DAB1: variants seen among roughly 807,000 people sequenced by gnomAD.
The protein encoded by DAB1 is DAB adaptor protein 1, also known as disabled homolog 1.
A neutral mutation model predicts 64.6 loss-of-function variants in DAB1; 15 were observed. That is an observed-to-expected ratio of 0.23 (90% CI 0.16 to 0.36). The LOEUF (loss-of-function observed/expected upper bound fraction) is 0.36. Among genes scored for constraint, DAB1 ranks in the 10% least tolerant of loss-of-function variants. The probability of loss-of-function intolerance (pLI) is 1.00; values close to 1 mark genes in which losing one functional copy is unlikely to be tolerated. For missense variants in DAB1, 596 were observed against 706.7 expected, an observed-to-expected ratio of 0.84 and a Z score of 1.78; for synonymous variants, 235 against 251.9, an observed-to-expected ratio of 0.93 and a Z score of 0.64.
intron 6 of DAB1, among the ~76,000 whole-genome samples, chr1:57,795,690 G>GATTTTATAT (rs1270547155): frequency 1.4e-4 from 10 of 69,098 alleles, no homozygotes; most frequent in African/African-American, 5.6e-4. Flanking sequence ...TATGCTTGGA[G>GATTTTATAT]ATATATATAT....
At chr1:57,056,796 G>T (rs528491803) in intron 9 of DAB1, among the ~76,000 whole-genome samples, 1 of 151,964 alleles carries the variant, frequency 6.6e-6, no homozygotes, top group African/African-American at 2.4e-5. Context: ...CCCAGGAAGC[G>T]GAGGCTGTAA....
At chr1:57,969,934 TG>T (rs1645757376) in intron 5 of DAB1, among the ~76,000 whole-genome samples, 1 of 151,932 alleles carries the variant, frequency 6.6e-6, no homozygotes, top group Non-Finnish European at 1.5e-5. Flanking sequence ...TATTAAGAGG[TG>T]GGGCCTTTAG....
chr1:57,015,207 G>A lies in DAB1; in HGVS notation c.1120C>T (p.Pro374Ser), dbSNP rs767003254. 3 of 1,613,962 alleles carry A rather than the reference G, an allele frequency of 1.9e-6. No individual in the cohort carries two copies. The highest frequency in any genetic ancestry group is 8.5e-7 in the Non-Finnish European group (1 of 1,180,008). The change falls in exon 12 of 15, where the codon CCT (proline) becomes TCT (serine). Residue 374 changes from proline to serine, a missense_variant. Pro to Ser is a moderately conservative substitution (Grantham distance 74, BLOSUM62 -1). This residue lies in a region of DAB1 where 377 missense variants were observed against 400.4 expected (regional missense o/e 0.94). Transcript: ENST00000371236. ...CCTTGGAACATGGCAGCTGGCAAAG[G>A]CATAACAGTTTGTGTGGGCATGAAG... ...AAFMPTQTVMPLPAAMFQGPL... is the reference protein window; with the variant it reads ...AAFMPTQTVMSLPAAMFQGPL...
At chr1:57,489,293 G>A (rs958333562) in intron 7 of DAB1, among the ~76,000 whole-genome samples, 1 of 152,180 alleles carries the variant, frequency 6.6e-6, no homozygotes, top group African/African-American at 2.4e-5. Context: ...TTAAATACAT[G>A]AATGAGAAAC....
intron 1 of DAB1, among the ~76,000 whole-genome samples, chr1:57,331,426 A>C (rs1373691075): frequency 1.3e-5 from 2 of 152,242 alleles, no homozygotes; most frequent in African/African-American, 4.8e-5. Context: ...ATAAGGAGGC[A>C]GTATGGCACC....
chr1:57,687,089 A>C (rs908485222), intron 6 of DAB1, among the ~76,000 whole-genome samples: 7 of 152,188 alleles, frequency 4.6e-5, no homozygotes, highest in African/African-American at 1.7e-4. Context: ...GAATAGAATA[A>C]GAAAAAGTGA....
intron 1 of DAB1, among the ~76,000 whole-genome samples, chr1:57,841,536 TC>T (rs1653048516): frequency 6.6e-6 from 1 of 152,138 alleles, no homozygotes; most frequent in Non-Finnish European, 1.5e-5. Context: ...AGGCAAAGGC[TC>T]CTAAAGCTCA....
intron 6 of DAB1, among the ~76,000 whole-genome samples, chr1:57,757,577 T>C (rs1027443546): frequency 1.3e-5 from 2 of 152,172 alleles, no homozygotes; most frequent in Non-Finnish European, 2.9e-5. Context: ...TCCTCTGCTG[T>C]GCTATGCATG....
chr1:58,481,637 T>C (rs565152832), intron 3 of DAB1, among the ~76,000 whole-genome samples: 3 of 152,332 alleles, frequency 2.0e-5, no homozygotes, highest in African/African-American at 7.2e-5. Context: ...AACCTAGTGA[T>C]ATGGTTTGCA....
intron 3 of DAB1, among the ~76,000 whole-genome samples, chr1:58,419,865 A>G (rs1477862232): frequency 2.6e-5 from 4 of 152,130 alleles, no homozygotes; most frequent in Admixed American, 6.5e-5. Context: ...AGGTCCTAAG[A>G]TTCTAGCTCC....
At chr1:57,972,987 G>A (rs570761589) in intron 5 of DAB1, among the ~76,000 whole-genome samples, 5 of 152,258 alleles carry the variant, frequency 3.3e-5, no homozygotes, top group South Asian at 4.1e-4. Flanking sequence ...AGTCCTGATC[G>A]CTGGAGCCTA....
intron 2 of DAB1, among the ~76,000 whole-genome samples, chr1:57,184,778 C>T (rs760644041): frequency 2.0e-5 from 3 of 152,172 alleles, no homozygotes; most frequent in Non-Finnish European, 4.4e-5. Flanking sequence ...TACACACTCA[C>T]TCCTGTGCCC....
At chr1:57,744,774 G>T (rs1438842401) in intron 6 of DAB1, among the ~76,000 whole-genome samples, 2 of 152,158 alleles carry the variant, frequency 1.3e-5, no homozygotes, top group African/African-American at 4.8e-5. Context: ...CTCCATTTAA[G>T]CACATACATC....
At chr1:57,313,547 C>A (rs1275738773) in intron 1 of DAB1, among the ~76,000 whole-genome samples, 1 of 152,126 alleles carries the variant, frequency 6.6e-6, no homozygotes. Flanking sequence ...TAAGTTGGCC[C>A]CGGTCTGGCC....
At chr1:58,060,584 TA>T (rs755486748) in intron 5 of DAB1, among the ~76,000 whole-genome samples, 5 of 152,190 alleles carry the variant, frequency 3.3e-5, no homozygotes, top group East Asian at 1.9e-4. Flanking sequence ...ATCTTTTTTT[TA>T]CCTGACAGTT....
intron 3 of DAB1, among the ~76,000 whole-genome samples, chr1:58,369,794 T>C (rs771091916): frequency 1.3e-5 from 2 of 152,262 alleles, no homozygotes; most frequent in Non-Finnish European, 1.5e-5. Context: ...ACAATTTGTA[T>C]TTGAAACACA....
intron 3 of DAB1, among the ~76,000 whole-genome samples, chr1:58,384,545 G>A (rs941287234): frequency 6.6e-5 from 10 of 152,160 alleles, no homozygotes; most frequent in Admixed American, 6.5e-5. Context: ...GACTAATAGG[G>A]TAGATGTATA....
chr1:58,528,855 AG>A (rs1341307042), intron 1 of DAB1, among the ~76,000 whole-genome samples: 1 of 152,218 alleles, frequency 6.6e-6, no homozygotes, highest in Non-Finnish European at 1.5e-5. Flanking sequence ...GCCTTGATTT[AG>A]GAAAAAATAA....
At chr1:57,399,099 T>A (rs1025428551) in intron 1 of DAB1, among the ~76,000 whole-genome samples, 2 of 152,216 alleles carry the variant, frequency 1.3e-5, no homozygotes, top group Admixed American at 6.5e-5. Flanking sequence ...GAGGAACTTT[T>A]TTTTTCTTCT....
Sources: gnomAD v4.1 joint callset for allele counts (sites outside exome capture counted in the v4.1 genomes callset) on GRCh38, gnomAD v4.1.1 for gene constraint, gnomAD v4.1.1 regional missense constraint, MANE v1.5 for transcripts, NCBI Gene and HGNC (gene_info 2026-07-23, HGNC 2026-07-21) for gene names.